MECOM: variants seen among roughly 807,000 people sequenced by gnomAD.
The protein encoded by MECOM is MDS1 and EVI1 complex locus.
A neutral mutation model predicts 116.3 loss-of-function variants in MECOM; 13 were observed. The ratio of observed to expected loss-of-function variants is 0.11; its 90% CI spans 0.07 to 0.18. The LOEUF is 0.18. Among genes scored for constraint, MECOM ranks in the 10% least tolerant of loss-of-function variants. The pLI, the probability that MECOM is intolerant of heterozygous loss-of-function variation, is 1.00. For missense variants in MECOM, 1,299 were observed against 1,509.0 expected (o/e 0.86, Z 2.31); for synonymous variants, 528 against 535.2 (o/e 0.99, Z 0.19).
At chr3:169,133,949 G>A in intron 3 of MECOM, 1 of 1,289,306 alleles carries the variant, frequency 7.8e-7, no homozygotes, top group Non-Finnish European at 1.0e-6. Flanking sequence ...TAACTTATTA[G>A]CTTCCTTTCC....
At chr3:169,204,878 T>C (rs1035477781) in intron 2 of MECOM, among the ~76,000 whole-genome samples, 2 of 152,200 alleles carry the variant, frequency 1.3e-5, no homozygotes, top group South Asian at 2.1e-4. Flanking sequence ...TAAAGTTACA[T>C]TGAGTGTGAC....
intron 1 of MECOM, among the ~76,000 whole-genome samples, chr3:169,531,894 A>T (rs1290800326): frequency 3.3e-5 from 5 of 152,156 alleles, no homozygotes; most frequent in Admixed American, 2.0e-4. Flanking sequence ...TCATCATGGT[A>T]TAGGAGAAAT....
intron 2 of MECOM, among the ~76,000 whole-genome samples, chr3:169,378,506 AAAGAAAGAAAAGAAAG>A (rs1731702854): frequency 3.2e-5 from 1 of 30,806 alleles, no homozygotes; most frequent in Non-Finnish European, 5.7e-5. Context: ...AGAAAGAAAG[AAAGAAAGAAAAGAAAG>A]AAAGAAAGAA....
At position 169,453,472 on chromosome 3, in the gene MECOM, G is replaced by A. The variant is rs574289221; in HGVS notation, c.38-71948C>T. On this transcript the variant is annotated intron_variant, in intron 1 of 16. Coordinates refer to ENST00000651503, the MANE Select transcript of MECOM (RefSeq NM_004991.4). ...AGCCCTATCTCCCGCCACAGCCTTC[G>A]CAGATAAAATATGGCTTGGCATTAG... Among the ~76,000 whole-genome samples, 6 of 152,266 alleles carry A rather than the reference G, an allele frequency of 3.9e-5. No homozygotes were observed. In the East Asian group the frequency reaches 7.7e-4, roughly 20 times the overall value.
At chr3:169,195,260 G>A (rs1330392421) in intron 2 of MECOM, among the ~76,000 whole-genome samples, 1 of 152,032 alleles carries the variant, frequency 6.6e-6, no homozygotes, top group African/African-American at 2.4e-5. Flanking sequence ...CTGCTGTCCA[G>A]GTGGATCAAT....
chr3:169,298,263 C>T (rs1716013042), intron 2 of MECOM, among the ~76,000 whole-genome samples: 1 of 151,994 alleles, frequency 6.6e-6, no homozygotes, highest in African/African-American at 2.4e-5. Context: ...TATAAAAATA[C>T]TTCTTAATAT....
intron 2 of MECOM, among the ~76,000 whole-genome samples, chr3:169,249,406 T>C (rs1165512761): frequency 6.6e-6 from 1 of 152,180 alleles, no homozygotes; most frequent in Non-Finnish European, 1.5e-5. Flanking sequence ...CAACTAAACC[T>C]ACAAATAGTG....
intron 1 of MECOM, among the ~76,000 whole-genome samples, chr3:169,424,181 G>T (rs112342713): frequency 2.0e-5 from 3 of 152,046 alleles, no homozygotes; most frequent in Non-Finnish European, 2.9e-5. Context: ...CCTCCTGTAG[G>T]CCTGGCTCAA....
chr3:169,578,022 G>A (rs1180942695), intron 1 of MECOM, among the ~76,000 whole-genome samples: 1 of 151,932 alleles, frequency 6.6e-6, no homozygotes, highest in Non-Finnish European at 1.5e-5. Context: ...CAGAGTTGAT[G>A]CTTCGTACTA....
At chr3:169,476,300 TA>T (rs1750363032) in intron 1 of MECOM, among the ~76,000 whole-genome samples, 1 of 152,230 alleles carries the variant, frequency 6.6e-6, no homozygotes, top group East Asian at 1.9e-4. Context: ...ATAAAATATT[TA>T]TTGAGCCCTG....
chr3:169,352,805 G>C, intron 2 of MECOM, among the ~76,000 whole-genome samples: 1 of 151,842 alleles, frequency 6.6e-6, no homozygotes, highest in Non-Finnish European at 1.5e-5. Flanking sequence ...CATTTTTCTT[G>C]CAACGAAGCT....
At chr3:169,570,927 A>T (rs2109442249) in intron 1 of MECOM, among the ~76,000 whole-genome samples, 1 of 152,358 alleles carries the variant, frequency 6.6e-6, no homozygotes, top group African/African-American at 2.4e-5. Context: ...GAAAACCAGC[A>T]CAAGACAAGG....
chr3:169,252,074 G>A (rs1208347204), intron 2 of MECOM, among the ~76,000 whole-genome samples: 2 of 152,070 alleles, frequency 1.3e-5, no homozygotes, highest in Non-Finnish European at 2.9e-5. Flanking sequence ...CGAATCAAAT[G>A]TAAAATTACA....
At chr3:169,346,904 T>C (rs978111332) in intron 2 of MECOM, among the ~76,000 whole-genome samples, 3 of 152,068 alleles carry the variant, frequency 2.0e-5, no homozygotes, top group African/African-American at 7.2e-5. Flanking sequence ...CCATGTACAG[T>C]TATTGATTTG....
chr3:169,631,449 A>G (rs1001792888), intron 1 of MECOM, among the ~76,000 whole-genome samples: 2 of 151,986 alleles, frequency 1.3e-5, no homozygotes, highest in African/African-American at 4.8e-5. Flanking sequence ...AAAATAGCAA[A>G]TTTTTTTTAT....
chr3:169,208,207 A>ATGTG (rs147356930), intron 2 of MECOM, among the ~76,000 whole-genome samples: 15,790 of 147,840 alleles, frequency 0.11, 906 homozygotes, highest in Non-Finnish European at 0.12. Context: ...ATATATATAT[A>ATGTG]TGTGTGTGTG....
chr3:169,618,530 G>A (rs1276750179), intron 1 of MECOM, among the ~76,000 whole-genome samples: 2 of 151,966 alleles, frequency 1.3e-5, no homozygotes, highest in African/African-American at 2.4e-5. Context: ...GGTGGCGCGC[G>A]CCCGTAGTCC....
At chr3:169,173,936 A>G (rs1363770549) in intron 2 of MECOM, among the ~76,000 whole-genome samples, 1 of 152,200 alleles carries the variant, frequency 6.6e-6, no homozygotes, top group African/African-American at 2.4e-5. Flanking sequence ...CTTTATAAGT[A>G]CTAATGGGAT....
chr3:169,506,637 G>T (rs1270076640), intron 1 of MECOM, among the ~76,000 whole-genome samples: 1 of 152,030 alleles, frequency 6.6e-6, no homozygotes, highest in Non-Finnish European at 1.5e-5. Context: ...TTTTCTTCCA[G>T]GGGTTATATA....
Sources: gnomAD v4.1 joint callset for allele counts (sites outside exome capture counted in the v4.1 genomes callset) on GRCh38, gnomAD v4.1.1 for gene constraint, MANE v1.5 for transcripts, NCBI Gene and HGNC (gene_info 2026-07-23, HGNC 2026-07-21) for gene names.